Variants in TWSG1 observed in about 807,000 individuals in gnomAD.
TWSG1 encodes twisted gastrulation BMP signaling modulator 1.
A neutral mutation model predicts 23.0 loss-of-function variants in TWSG1; 15 were observed. The ratio of observed to expected loss-of-function variants is 0.65; its 90% CI spans 0.44 to 1.00. The LOEUF is 1.00. Among genes scored for constraint, TWSG1 ranks in the 50% least tolerant of loss-of-function variants. TWSG1 has a pLI of 0.00. For missense variants in TWSG1, 242 were observed against 278.7 expected, an observed-to-expected ratio of 0.87 and a Z score of 0.94; for synonymous variants, 86 against 92.8, an observed-to-expected ratio of 0.93 and a Z score of 0.42.
At chr18:9,383,189 T>G (rs2040666737) in intron 3 of TWSG1, among the ~76,000 whole-genome samples, 1 of 60,130 alleles carries the variant, frequency 1.7e-5, no homozygotes, top group South Asian at 6.7e-4. Context: ...ACACGTTTTT[T>G]TTTTGTTTTT....
intron 1 of TWSG1, among the ~76,000 whole-genome samples, 164 bp from the exon 2 acceptor site, chr18:9,337,029 A>T (rs901033823): frequency 6.6e-6 from 1 of 152,184 alleles, no homozygotes; most frequent in Non-Finnish European, 1.5e-5. Flanking sequence ...AGCTATGATC[A>T]CACCACTGTA....
At chr18:9,395,895 A>C (rs75601690) in intron 3 of TWSG1, among the ~76,000 whole-genome samples, 1 of 152,078 alleles carries the variant, frequency 6.6e-6, no homozygotes, top group African/African-American at 2.4e-5. Flanking sequence ...CAAATTGTCT[A>C]TTAGCCAGTA....
At chr18:9,386,573 A>T (rs1461463898) in intron 3 of TWSG1, among the ~76,000 whole-genome samples, 1 of 151,994 alleles carries the variant, frequency 6.6e-6, no homozygotes, top group Non-Finnish European at 1.5e-5. Flanking sequence ...GCACTCCAGA[A>T]GAATTAAAAA....
chr18:9,338,731 G>A (rs2040433076), intron 2 of TWSG1, among the ~76,000 whole-genome samples: 1 of 152,192 alleles, frequency 6.6e-6, no homozygotes, highest in Non-Finnish European at 1.5e-5. Flanking sequence ...GCTATGGTCA[G>A]ATGAGGAGTC....
chr18:9,352,773 G>T (rs910026513), intron 2 of TWSG1, among the ~76,000 whole-genome samples: 3 of 152,124 alleles, frequency 2.0e-5, no homozygotes, highest in African/African-American at 7.2e-5. Flanking sequence ...TCCTCAAGTT[G>T]TTAGTTTCCA....
intron 3 of TWSG1, among the ~76,000 whole-genome samples, chr18:9,380,061 T>C (rs773530446): frequency 4.5e-4 from 68 of 152,220 alleles, no homozygotes; most frequent in Non-Finnish European, 8.1e-4. Flanking sequence ...TTAGAGAATT[T>C]TGTCTAGGAA....
chr18:9,390,646 C>T (rs935201032), intron 3 of TWSG1, among the ~76,000 whole-genome samples: 1 of 152,164 alleles, frequency 6.6e-6, no homozygotes, highest in Non-Finnish European at 1.5e-5. Flanking sequence ...CATCAGTTGA[C>T]TCTTTCTTTC....
intron 4 of TWSG1, among the ~76,000 whole-genome samples, chr18:9,397,812 C>G (rs2040743811): frequency 6.6e-6 from 1 of 152,006 alleles, no homozygotes; most frequent in South Asian, 2.1e-4. Flanking sequence ...TTGAGACCAG[C>G]CTGACCAACA....
At chr18:9,354,306 T>G (rs1272868672) in intron 2 of TWSG1, among the ~76,000 whole-genome samples, 1 of 152,162 alleles carries the variant, frequency 6.6e-6, no homozygotes, top group Non-Finnish European at 1.5e-5. Flanking sequence ...AAGGGTTAAA[T>G]AGAACCCATT....
chr18:9,388,754 C>T (rs1331355423), intron 3 of TWSG1, among the ~76,000 whole-genome samples: 2 of 152,156 alleles, frequency 1.3e-5, no homozygotes, highest in African/African-American at 2.4e-5. Context: ...CAGGGTCTCA[C>T]GAGTTACCCA....
chr18:9,355,122 A>C (rs1362442689), intron 2 of TWSG1, among the ~76,000 whole-genome samples: 2 of 151,882 alleles, frequency 1.3e-5, no homozygotes, highest in Admixed American at 1.3e-4. Flanking sequence ...TGCCCAGCTA[A>C]TTTTTTGTAT....
At position 9,400,794 on chromosome 18, in the gene TWSG1, A is replaced by C. The variant is rs894836135; in HGVS notation, c.*1267A>C. The C allele has an allele frequency of 1.3e-5, 2 of 152,204 alleles. No individual in the cohort carries two copies. Among genetic ancestry groups the C allele is most frequent in the Admixed American group, 6.5e-5 (1 of 15,278 alleles). 9.4% of individuals were successfully genotyped at this position (152,204 alleles called of 1,614,324 possible). A position where few individuals can be genotyped will look rare whatever the true frequency, so the allele number is the denominator to read the frequency against. On this transcript the variant is annotated 3_prime_UTR_variant, in exon 5 of 5. Coordinates refer to ENST00000262120, the MANE Select transcript of TWSG1 (RefSeq NM_020648.6). ...GTTTCAATAAATGTTTCTTTCAATA[A>C]AGATACTATGTGCCCTTCATAGTAA...
rs914646992 is a variant in TWSG1 at position 9,399,667 on chromosome 18, A to G, written c.*140A>G. On this transcript the variant is annotated 3_prime_UTR_variant, in exon 5 of 5. Transcript: ENST00000262120. ...TTTGGAATAAGTTTCTTTTAAAAAT[A>G]TGACATAGCCAGTGATGTGTTTAAT... is the stretch of plus-strand genomic sequence containing the variant. 4.1e-6 allele frequency: 3 copies of G among 726,130 alleles called. No individual in the cohort carries two copies. The highest frequency in any genetic ancestry group is 2.1e-5 in the South Asian group (1 of 48,756). The allele number at this position is 726,130 out of a possible 1,614,324, so 45.0% of individuals were successfully genotyped here.
chr18:9,399,377 C>A lies in TWSG1; in HGVS notation c.522C>A (p.Asp174Glu). 1.2e-6 allele frequency: 2 copies of A among 1,612,204 alleles called. No individual in the cohort carries two copies. The highest frequency in any genetic ancestry group is 1.7e-6 in the Non-Finnish European group (2 of 1,179,562). ...TGTGTACTGTGGTTTATTTTGATGA[C>A]TGCATGTCCATACATCAGTGTAAAA... Reference protein sequence around the residue: ...EHMCTVVYFDDCMSIHQCKIS... With the variant: ...EHMCTVVYFDECMSIHQCKIS... Residue 174 changes from aspartate to glutamate, a missense_variant, in exon 5 of 5, where the codon GAC (aspartate) becomes GAA (glutamate). Coordinates refer to ENST00000262120, the MANE Select transcript of TWSG1 (RefSeq NM_020648.6).
intron 2 of TWSG1, among the ~76,000 whole-genome samples, chr18:9,343,292 A>G (rs918894289): frequency 2.0e-5 from 3 of 147,558 alleles, no homozygotes; most frequent in Non-Finnish European, 4.5e-5. Flanking sequence ...TATATAATAT[A>G]TACGTTTTAT....
At chr18:9,363,008 T>G (rs1478665886) in intron 3 of TWSG1, among the ~76,000 whole-genome samples, 1 of 152,206 alleles carries the variant, frequency 6.6e-6, no homozygotes, top group East Asian at 1.9e-4. Context: ...TAGGCTCTCT[T>G]AACATCCTTT....
At chr18:9,384,257 A>G (rs1162974389) in intron 3 of TWSG1, among the ~76,000 whole-genome samples, 1 of 152,216 alleles carries the variant, frequency 6.6e-6, no homozygotes, top group African/African-American at 2.4e-5. Context: ...GTGACAGGGA[A>G]CCAAGATAAG....
intron 3 of TWSG1, among the ~76,000 whole-genome samples, chr18:9,368,138 T>C (rs927933279): frequency 6.6e-6 from 1 of 152,200 alleles, no homozygotes; most frequent in African/African-American, 2.4e-5. Flanking sequence ...TTGTTGCCTT[T>C]CATCTTTTTT....
intron 2 of TWSG1, among the ~76,000 whole-genome samples, chr18:9,349,420 T>C (rs1311634863): frequency 6.6e-6 from 1 of 152,210 alleles, no homozygotes; most frequent in Non-Finnish European, 1.5e-5. Flanking sequence ...TTTAGTACTT[T>C]GTTGTCTGAA....
Sources: gnomAD v4.1 joint callset for allele counts (sites outside exome capture counted in the v4.1 genomes callset) on GRCh38, gnomAD v4.1.1 for gene constraint, MANE v1.5 for transcripts, NCBI Gene and HGNC (gene_info 2026-07-23, HGNC 2026-07-21) for gene names.